NTRK1: variants seen among roughly 807,000 people sequenced by gnomAD.
NTRK1 encodes neurotrophic receptor tyrosine kinase 1.
NTRK1 carries 62 observed loss-of-function variants against 86.8 expected under a neutral mutation model. That is an observed-to-expected ratio of 0.71 (90% CI 0.58 to 0.88). NTRK1 has a LOEUF of 0.88. NTRK1 is among the 40% of genes least tolerant of loss of function. The pLI is 0.00. For synonymous variants in NTRK1, 469 were observed against 456.6 expected (o/e 1.03, Z -0.35); for missense variants, 967 against 1,078.4 (o/e 0.90, Z 1.45).
chr1:156,830,247 T>C (rs1654434228), intron 1 of NTRK1, among the ~76,000 whole-genome samples: 2 of 152,354 alleles, frequency 1.3e-5, no homozygotes, highest in South Asian at 4.1e-4. Flanking sequence ...TGTGGAAGCC[T>C]GGGCCCAGGC....
chr1:156,848,724 G>A (rs553580306), intron 2 of NTRK1, among the ~76,000 whole-genome samples: 45 of 152,330 alleles, frequency 3.0e-4, no homozygotes, highest in African/African-American at 1.1e-3. Context: ...CTTGGTGAGG[G>A]GAAACCGAGG....
chr1:156,840,994 G>A, intron 1 of NTRK1: 1 of 1,613,116 alleles, frequency 6.2e-7, no homozygotes, highest in South Asian at 1.1e-5. Flanking sequence ...GTAGTAGAAG[G>A]AGAGGAGGCG....
At chr1:156,863,778 G>C (rs1425397305) in intron 1 of NTRK1, among the ~76,000 whole-genome samples, 2 of 152,196 alleles carry the variant, frequency 1.3e-5, no homozygotes, top group African/African-American at 4.8e-5. Context: ...GGCTTCGTCT[G>C]TGCTGGGTGG....
At chr1:156,842,006 G>A (rs1654808708) in intron 1 of NTRK1, 15 of 1,579,656 alleles carry the variant, frequency 9.5e-6, no homozygotes, top group Non-Finnish European at 1.3e-5. Context: ...GACTTGCCAA[G>A]GGTCTCACAG....
intron 2 of NTRK1, chr1:156,846,815 C>A: frequency 7.2e-7 from 1 of 1,394,078 alleles, no homozygotes; most frequent in Non-Finnish European, 1.0e-6. Flanking sequence ...AGTTCTGGCA[C>A]CCCCGCTCTG....
At chr1:156,874,191 C>T (rs1647751145) in intron 8 of NTRK1, 192 bp from the exon 9 acceptor site, 1 of 965,064 alleles carries the variant, frequency 1.0e-6, no homozygotes. Context: ...AGCCATGCAG[C>T]AGGGCATCCT....
At chr1:156,823,694 G>C (rs80221402) in intron 1 of NTRK1, among the ~76,000 whole-genome samples, 6,372 of 152,280 alleles carry the variant, frequency 0.042, 190 homozygotes, top group African/African-American at 0.068. Context: ...CAGTATCAAT[G>C]TGTTGCAAGC....
chr1:156,835,481 T>G (rs1320513543), intron 1 of NTRK1, among the ~76,000 whole-genome samples: 5 of 152,346 alleles, frequency 3.3e-5, no homozygotes, highest in East Asian at 3.9e-4. Context: ...GAATAATGTA[T>G]GTTCTTTAAA....
At chr1:156,876,317 A>G (rs1571699496) in intron 13 of NTRK1, 83 bp from the exon 14 acceptor site, 53 of 1,609,018 alleles carry the variant, frequency 3.3e-5, no homozygotes, top group Non-Finnish European at 4.5e-5. Flanking sequence ...ATGGCTGGAT[A>G]CCGGGGTGGG....
upstream of NTRK1, among the ~76,000 whole-genome samples, chr1:156,859,870 G>C (rs1655549394): frequency 6.6e-6 from 1 of 152,102 alleles, no homozygotes; most frequent in African/African-American, 2.4e-5. The surrounding 1 kb of genome is among the most constrained non-coding windows in gnomAD (Gnocchi z 6.2). Context: ...AGCTTGAGAC[G>C]GATGGGTTAG....
At chr1:156,838,354 C>A (rs1230909602) in intron 1 of NTRK1, among the ~76,000 whole-genome samples, 1 of 148,772 alleles carries the variant, frequency 6.7e-6, no homozygotes, top group Non-Finnish European at 1.5e-5. Flanking sequence ...GCTCACCTGT[C>A]TTCTCCCAGC....
At chr1:156,845,311 T>A in intron 2 of NTRK1, 4 of 1,611,960 alleles carry the variant, frequency 2.5e-6, no homozygotes, top group Non-Finnish European at 3.4e-6. Flanking sequence ...GGAGAGCGAG[T>A]CAGAGCCAAG....
chr1:156,834,757 T>C (rs1041890641), intron 1 of NTRK1, among the ~76,000 whole-genome samples: 1 of 151,584 alleles, frequency 6.6e-6, no homozygotes, highest in Non-Finnish European at 1.5e-5. Context: ...CAAAAACTAT[T>C]CTGGGTAGGT....
intron 6 of NTRK1, among the ~76,000 whole-genome samples, chr1:156,869,761 C>T (rs1571691837): frequency 6.6e-6 from 1 of 152,148 alleles, no homozygotes; most frequent in South Asian, 2.1e-4. Context: ...CTTAGGCTGG[C>T]GATGGGCCGA....
chr1:156,877,116 G>T (rs1647967959), intron 14 of NTRK1, among the ~76,000 whole-genome samples: 1 of 152,152 alleles, frequency 6.6e-6, no homozygotes. Flanking sequence ...AAATTCCTGG[G>T]CTCAAGCAAT....
chr1:156,870,367 G>A (rs984238977), intron 6 of NTRK1, among the ~76,000 whole-genome samples: 8 of 152,152 alleles, frequency 5.3e-5, no homozygotes, highest in Non-Finnish European at 1.2e-4. Flanking sequence ...GGGCAACAAA[G>A]CAAGACCCTA....
intron 2 of NTRK1, among the ~76,000 whole-genome samples, chr1:156,846,347 C>A (rs548457882): frequency 6.6e-6 from 1 of 152,174 alleles, no homozygotes; most frequent in Admixed American, 6.5e-5. Flanking sequence ...ATCCCAGCCC[C>A]GCAAGGACCT....
chr1:156,846,690 C>G (rs773557072), intron 2 of NTRK1: 1 of 1,614,038 alleles, frequency 6.2e-7, no homozygotes, highest in African/African-American at 1.3e-5. Flanking sequence ...AGCTCCACAT[C>G]CAGCAGGTTC....
chr1:156,865,831 C>T (rs1272994897), intron 3 of NTRK1, among the ~76,000 whole-genome samples: 1 of 152,218 alleles, frequency 6.6e-6, no homozygotes. Flanking sequence ...GATGGTGGGG[C>T]TGACACTCAT....
Sources: allele counts gnomAD v4.1 joint callset (sites outside exome capture counted in the v4.1 genomes callset), GRCh38; gene constraint gnomAD v4.1.1; non-coding constraint Gnocchi (gnomAD v3.1); transcripts MANE v1.5; gene names NCBI Gene and HGNC (gene_info 2026-07-23, HGNC 2026-07-21).